BBIP1: variants seen among roughly 807,000 people sequenced by gnomAD.
BBIP1 encodes BBSome interacting protein 1, also known as BBSome-interacting protein 1.
A neutral mutation model predicts 8.9 loss-of-function variants in BBIP1; 6 were observed. The observed-to-expected ratio is 0.67, with a 90% CI of 0.37 to 1.33. The LOEUF (loss-of-function observed/expected upper bound fraction) is 1.33, where lower values mean the gene tolerates loss of function less well. Ranked by LOEUF, BBIP1 falls within the 40% of genes most tolerant of loss-of-function variation. The pLI, the probability that BBIP1 is intolerant of heterozygous loss-of-function variation, is 0.02. For missense variants in BBIP1, 111 were observed against 109.2 expected (o/e 1.02, Z -0.07); for synonymous variants, 32 against 33.4 (o/e 0.96, Z 0.14).
chr10:110,900,549 A>T, intron 3 of BBIP1, 23 bp from the exon 4 acceptor site: 1 of 1,500,272 alleles, frequency 6.7e-7, no homozygotes, highest in Non-Finnish European at 8.8e-7. Context: ...AGAAATAAGA[A>T]TTAATTCAAG....
intron 2 of BBIP1, chr10:110,907,859 T>C (rs1470185279): frequency 1.5e-6 from 1 of 677,144 alleles, no homozygotes; most frequent in Non-Finnish European, 2.7e-6. Context: ...AAAGTTAAAT[T>C]TTCTTTTTAA....
rs1247299009 is a variant in BBIP1 at position 110,918,118 on chromosome 10, T to A, written c.37+3A>T. The stretch of plus-strand genomic sequence containing the variant: ...GCTGGATATTAACCATTTTCAATTT[T>A]ACCTGAAAGTTCTGGTCTTTTTGCT... On this transcript the variant is annotated splice_donor_region_variant and intron_variant, in intron 2 of 3. Coordinates refer to ENST00000448814, the MANE Select transcript of BBIP1 (RefSeq NM_001195305.3). 7 of 1,535,514 alleles carry A rather than the reference T, an allele frequency of 4.6e-6. No homozygotes were observed. The Admixed American group carries it at 1.4e-4, about 30-fold the overall frequency.
chr10:110,903,771 A>G (rs1846063976), intron 2 of BBIP1: 1 of 152,186 alleles, frequency 6.6e-6, no homozygotes, highest in South Asian at 2.1e-4. Context: ...CCTAATATAA[A>G]CCTAGGCTAT....
rs1179207988 is a variant in BBIP1 at position 110,907,958 on chromosome 10, T to C, written c.38-6346A>G. The C allele has an allele frequency of 7.3e-6, 4 of 548,688 alleles. No individual in the cohort carries two copies. The East Asian group carries it at 9.1e-5, about 13-fold the overall frequency. The allele number at this position is 548,688 out of a possible 1,614,324, so 34.0% of individuals were successfully genotyped here. A position where few individuals can be genotyped will look rare whatever the true frequency, so the allele number is the denominator to read the frequency against. ...GAGTATATATTGTTTCCTAAAGTTA[T>C]GTGATTCTGGAATTCTTTAAAAGTG... On this transcript the variant is annotated intron_variant, in intron 2 of 3. Transcript: ENST00000448814.
At chr10:110,908,910 T>C (rs941568445) in intron 2 of BBIP1, among the ~76,000 whole-genome samples, 3 of 152,160 alleles carry the variant, frequency 2.0e-5, no homozygotes, top group Non-Finnish European at 4.4e-5. Context: ...AGAATGAGAA[T>C]GACCTGAACA....
chr10:110,916,025 T>C (rs1372393653), intron 2 of BBIP1, among the ~76,000 whole-genome samples: 2 of 152,184 alleles, frequency 1.3e-5, no homozygotes, highest in Non-Finnish European at 2.9e-5. Context: ...AGATTATTAA[T>C]AGAGTGAGTA....
chr10:110,910,149 A>T (rs888225002), intron 2 of BBIP1, among the ~76,000 whole-genome samples: 2 of 152,214 alleles, frequency 1.3e-5, no homozygotes, highest in African/African-American at 4.8e-5. Flanking sequence ...ATGACATTGG[A>T]GCTAGTCCCA....
At chr10:110,904,038 T>G (rs752139121) in intron 2 of BBIP1, 3 of 152,238 alleles carry the variant, frequency 2.0e-5, no homozygotes, top group Non-Finnish European at 2.9e-5. Context: ...CAGTATTTCC[T>G]TCTCCCACAC....
Position 110,907,655 on chromosome 10 carries a change from G to A in BBIP1, c.38-6043C>T, listed in dbSNP as rs537179829. The stretch of plus-strand genomic sequence containing the variant: ...GCAGACACTACATATAAAAGTTTAG[G>A]ATCTGAAAAGTGATTGTTCTTAACC... On this transcript the variant is annotated intron_variant, in intron 2 of 3. Coordinates refer to ENST00000448814, the MANE Select transcript of BBIP1 (RefSeq NM_001195305.3). 4.3e-4 allele frequency: 274 copies of A among 643,020 alleles called. 3 individuals are homozygous for A. The highest frequency in any genetic ancestry group is 2.7e-3 in the South Asian group (153 of 57,490). 39.8% of individuals were successfully genotyped at this position (643,020 alleles called of 1,614,324 possible).
At chr10:110,918,764 C>A (rs1846515130) in intron 1 of BBIP1, 1 of 152,578 alleles carries the variant, frequency 6.6e-6, no homozygotes, top group South Asian at 2.1e-4. Context: ...GGCCCTGAGC[C>A]CCGCTCGCCA....
chr10:110,910,334 TGTG>T (rs989232331), intron 2 of BBIP1, among the ~76,000 whole-genome samples: 15 of 152,296 alleles, frequency 9.8e-5, no homozygotes, highest in East Asian at 1.9e-4. Flanking sequence ...CACCAGGTAT[TGTG>T]GTGGGACTGA....
chr10:110,913,367 A>G (rs1303215327), intron 2 of BBIP1, among the ~76,000 whole-genome samples: 2 of 152,258 alleles, frequency 1.3e-5, no homozygotes, highest in African/African-American at 2.4e-5. Context: ...CTAGATTACC[A>G]TAAGGTATCT....
chr10:110,908,097 C>T (rs1023726421), intron 2 of BBIP1: 1 of 214,616 alleles, frequency 4.7e-6, no homozygotes. Context: ...AGGAAAATAC[C>T]AGTATTTACA....
chr10:110,911,707 T>G (rs981230734), intron 2 of BBIP1: 6 of 151,968 alleles, frequency 3.9e-5, no homozygotes, highest in Non-Finnish European at 7.4e-5. Flanking sequence ...AGTTATCTTG[T>G]CCAACATCAT....
chr10:110,913,603 G>A (rs1846327021), intron 2 of BBIP1, among the ~76,000 whole-genome samples: 1 of 152,096 alleles, frequency 6.6e-6, no homozygotes, highest in Non-Finnish European at 1.5e-5. Flanking sequence ...CTTTTAAAAG[G>A]GCAGCAAAGG....
At chr10:110,901,402 A>G (rs939299645) in intron 3 of BBIP1, 136 bp downstream of exon 3, 11 of 639,116 alleles carry the variant, frequency 1.7e-5, no homozygotes, top group Admixed American at 2.6e-5. Flanking sequence ...AAAAGCATAT[A>G]GTAAAAGACA....
intron 2 of BBIP1, among the ~76,000 whole-genome samples, chr10:110,914,499 C>G (rs1846350565): frequency 6.6e-6 from 1 of 151,912 alleles, no homozygotes; most frequent in South Asian, 2.1e-4. Flanking sequence ...CATTTTTCAG[C>G]AAACATAAAG....
chr10:110,903,403 G>A (rs1357676671), intron 2 of BBIP1: 1 of 152,346 alleles, frequency 6.6e-6, no homozygotes. Context: ...ATGGTAGGGA[G>A]TGGGCTGCAC....
chr10:110,900,712 T>G, intron 3 of BBIP1, 186 bp from the exon 4 acceptor site: 1 of 536,314 alleles, frequency 1.9e-6, no homozygotes, highest in Non-Finnish European at 3.2e-6. Flanking sequence ...TTCTTACTAG[T>G]AGGGTGCTTC....
Sources: gnomAD v4.1 joint callset for allele counts (sites outside exome capture counted in the v4.1 genomes callset) on GRCh38, gnomAD v4.1.1 for gene constraint, MANE v1.5 for transcripts, NCBI Gene and HGNC (gene_info 2026-07-23, HGNC 2026-07-21) for gene names.